The following CDH12 variants were observed in gnomAD, a reference collection of about 807,000 sequenced individuals.
The protein encoded by CDH12 is cadherin 12.
Under a neutral mutation model 74.1 loss-of-function variants are expected in CDH12, and 41 were observed. The observed-to-expected ratio is 0.55, with a 90% confidence interval of 0.43 to 0.72. The LOEUF (loss-of-function observed/expected upper bound fraction) is 0.72. CDH12 is among the 30% of genes least tolerant of loss of function. The probability of loss-of-function intolerance (pLI) is 0.00; values close to 1 mark genes in which losing one functional copy is unlikely to be tolerated. For missense variants in CDH12, 945 were observed against 977.2 expected, an observed-to-expected ratio of 0.97 and a Z score of 0.44; for synonymous variants, 399 against 355.0, an observed-to-expected ratio of 1.12 and a Z score of -1.39.
At chr5:21,950,441 C>G (rs1377020469) in intron 6 of CDH12, among the ~76,000 whole-genome samples, 1 of 151,818 alleles carries the variant, frequency 6.6e-6, no homozygotes, top group Non-Finnish European at 1.5e-5. Context: ...CAGAAACAAA[C>G]AGAAACAAAT....
At chr5:22,532,575 A>T (rs886243903) in intron 1 of CDH12, among the ~76,000 whole-genome samples, 1 of 151,300 alleles carries the variant, frequency 6.6e-6, no homozygotes, top group Non-Finnish European at 1.5e-5. Flanking sequence ...ATTTCTGCTG[A>T]ATTAAGACTT....
intron 1 of CDH12, among the ~76,000 whole-genome samples, chr5:22,846,359 G>T (rs1353347871): frequency 6.6e-6 from 1 of 152,112 alleles, no homozygotes; most frequent in East Asian, 1.9e-4. Flanking sequence ...CATCCAGATG[G>T]CATTTAAACC....
At chr5:22,055,554 A>C (rs1580177294) in intron 5 of CDH12, among the ~76,000 whole-genome samples, 1 of 152,252 alleles carries the variant, frequency 6.6e-6, no homozygotes, top group East Asian at 1.9e-4. Context: ...TGTATTGAGA[A>C]CAAATTTTTT....
At chr5:21,898,480 A>T (rs924052804) in intron 6 of CDH12, among the ~76,000 whole-genome samples, 4 of 152,026 alleles carry the variant, frequency 2.6e-5, no homozygotes, top group Admixed American at 1.3e-4. Context: ...AGGCGGGCGG[A>T]TCAGGAGGTC....
intron 8 of CDH12, among the ~76,000 whole-genome samples, chr5:21,835,848 T>C (rs4610424): frequency 0.42 from 63,688 of 151,162 alleles, 16,237 homozygotes; most frequent in African/African-American, 0.72. Context: ...CTTAAACATA[T>C]CAATAGTTTT....
intron 4 of CDH12, among the ~76,000 whole-genome samples, chr5:22,114,010 T>TA (rs1331093621): frequency 6.6e-6 from 1 of 152,190 alleles, no homozygotes; most frequent in African/African-American, 2.4e-5. Flanking sequence ...GTGGCATCTC[T>TA]AGCAGCTGGC....
intron 6 of CDH12, among the ~76,000 whole-genome samples, chr5:21,919,097 G>C (rs6889421): frequency 0.021 from 3,150 of 152,198 alleles, 95 homozygotes; most frequent in African/African-American, 0.07. Flanking sequence ...TATAAATACA[G>C]ATGGACTGAT....
At chr5:22,786,241 A>T (rs1456814665) in intron 1 of CDH12, among the ~76,000 whole-genome samples, 1 of 152,218 alleles carries the variant, frequency 6.6e-6, no homozygotes, top group Non-Finnish European at 1.5e-5. Context: ...TCATGTTCTC[A>T]CTTATAAGTG....
chr5:22,002,454 T>C (rs1201002476), intron 5 of CDH12, among the ~76,000 whole-genome samples: 3 of 152,114 alleles, frequency 2.0e-5, no homozygotes, highest in African/African-American at 7.2e-5. Flanking sequence ...GTAAATATAT[T>C]TTCTTACAAA....
chr5:22,087,959 A>G (rs1461765228), intron 4 of CDH12, among the ~76,000 whole-genome samples: 1 of 152,098 alleles, frequency 6.6e-6, no homozygotes, highest in Non-Finnish European at 1.5e-5. Context: ...TTGTAGTAAT[A>G]CCATCAAAAT....
At chr5:22,539,335 C>T (rs1002227655) in intron 1 of CDH12, among the ~76,000 whole-genome samples, 5 of 152,094 alleles carry the variant, frequency 3.3e-5, no homozygotes, top group South Asian at 2.1e-4. Flanking sequence ...TCCATAAGTC[C>T]AGAGGTAATG....
At chr5:21,871,795 T>G (rs1262153290) in intron 6 of CDH12, among the ~76,000 whole-genome samples, 2 of 152,146 alleles carry the variant, frequency 1.3e-5, no homozygotes, top group Non-Finnish European at 2.9e-5. Context: ...GCACCACGTG[T>G]AGGGTATGAC....
At chr5:22,846,881 A>C (rs1011297556) in intron 1 of CDH12, among the ~76,000 whole-genome samples, 5 of 152,218 alleles carry the variant, frequency 3.3e-5, no homozygotes, top group African/African-American at 9.6e-5. Context: ...TAATTGTGGC[A>C]TATAAAAATT....
intron 4 of CDH12, among the ~76,000 whole-genome samples, chr5:22,210,846 A>T (rs1469632511): frequency 1.3e-5 from 2 of 151,548 alleles, no homozygotes; most frequent in Non-Finnish European, 2.9e-5. Context: ...AAAAAAAAAA[A>T]TAAGAAGCCA....
chr5:22,646,644 A>T lies in CDH12; in HGVS notation c.-522-141280T>A, dbSNP rs182623437. 3.9e-3 allele frequency among the ~76,000 whole-genome samples: 587 copies of T among 152,060 alleles called. 3 individuals carry two copies. Among genetic ancestry groups the T allele is most frequent in the African/African-American group, 0.013 (535 of 41,554 alleles). ...ACAAAGCAAATATTAGTGCAAGATTATAGATAAAAACAACAACAACACCAA... is the reference window on the plus strand; with the variant it reads ...ACAAAGCAAATATTAGTGCAAGATTTTAGATAAAAACAACAACAACACCAA... On this transcript the variant is annotated intron_variant, in intron 1 of 14. Transcript: ENST00000382254.
chr5:22,303,553 T>C (rs1737983216), intron 3 of CDH12, among the ~76,000 whole-genome samples: 1 of 152,132 alleles, frequency 6.6e-6, no homozygotes, highest in Non-Finnish European at 1.5e-5. Flanking sequence ...GATTCATTTT[T>C]AATTATTGAT....
chr5:21,803,740 G>A (rs1747266670), intron 9 of CDH12, among the ~76,000 whole-genome samples: 2 of 152,032 alleles, frequency 1.3e-5, no homozygotes, highest in Admixed American at 1.3e-4. Flanking sequence ...TTTTCTAAAG[G>A]AATTCCTTCA....
rs1313236005 is a variant in CDH12 at position 21,751,502 on chromosome 5, T to C, written c.*235A>G. The C allele has an allele frequency of 2.1e-6, 1 of 478,928 alleles. No individual in the cohort carries two copies. The highest frequency in any genetic ancestry group is 3.8e-5 in the Admixed American group (1 of 26,608). The allele number at this position is 478,928 out of a possible 1,614,324, so 29.7% of individuals were successfully genotyped here. A position where few individuals can be genotyped will look rare whatever the true frequency, so the allele number is the denominator to read the frequency against. On this transcript the variant is annotated 3_prime_UTR_variant, in exon 15 of 15. Transcript: ENST00000382254. The stretch of plus-strand genomic sequence containing the variant: ...AAACAAAACAACAAAACAAAGCAAG[T>C]ACACATTATAGGATGTATCTCTTGT...
Position 22,267,817 on chromosome 5 carries a change from A to T in CDH12, c.-332-55174T>A, listed in dbSNP as rs959225721. On this transcript the variant is annotated intron_variant, in intron 3 of 14. Transcript: ENST00000382254. The stretch of plus-strand genomic sequence containing the variant: ...TCCAACTTGATAATGGCATCAAACT[A>T]TCAAGGAGGACAAAACAAAGAAAAA... 2.0e-5 allele frequency among the ~76,000 whole-genome samples: 3 copies of T among 152,168 alleles called. No individual in the cohort carries two copies. In the East Asian group the frequency reaches 5.8e-4, roughly 29 times the overall value.
Sources: gnomAD v4.1 joint callset for allele counts (sites outside exome capture counted in the v4.1 genomes callset) on GRCh38, gnomAD v4.1.1 for gene constraint, MANE v1.5 for transcripts, NCBI Gene and HGNC (gene_info 2026-07-23, HGNC 2026-07-21) for gene names.